OR1J2: variants seen among roughly 807,000 people sequenced by gnomAD.
OR1J2 encodes olfactory receptor family 1 subfamily J member 2.
For missense variants in OR1J2, 304 were observed against 246.1 expected (o/e 1.24, Z -1.57); for synonymous variants, 142 against 99.7 (o/e 1.42, Z -2.52).
chr9:122,459,580 C>T, the OR1J2 span, among the ~76,000 whole-genome samples: 1 of 152,154 alleles, frequency 6.6e-6, no homozygotes, highest in African/African-American at 2.4e-5. Context: ...TCCCTTTATG[C>T]TTCCCTCTTT....
chr9:122,509,016 G>A (rs757109468), upstream of OR1J2, among the ~76,000 whole-genome samples: 6 of 152,090 alleles, frequency 3.9e-5, no homozygotes, highest in Non-Finnish European at 7.4e-5. Flanking sequence ...TAACATCTTC[G>A]AATACGTCTC....
chr9:122,576,520 C>T, the OR1J2 span, among the ~76,000 whole-genome samples: 30 of 152,168 alleles, frequency 2.0e-4, no homozygotes, highest in African/African-American at 6.0e-4. Flanking sequence ...CAGGCATGAG[C>T]CATTGCACCC....
At chr9:122,490,789 T>C in the OR1J2 span, among the ~76,000 whole-genome samples, 1 of 152,206 alleles carries the variant, frequency 6.6e-6, no homozygotes, top group African/African-American at 2.4e-5. Flanking sequence ...AGAAGCCATA[T>C]TGAAGAATTT....
chr9:122,562,858 G>A, the OR1J2 span, among the ~76,000 whole-genome samples: 1 of 151,932 alleles, frequency 6.6e-6, no homozygotes, highest in Non-Finnish European at 1.5e-5. Context: ...GATTTTATTC[G>A]TTTTATGGCT....
At chr9:122,538,577 C>A in the OR1J2 span, among the ~76,000 whole-genome samples, 8 of 152,268 alleles carry the variant, frequency 5.3e-5, no homozygotes, top group East Asian at 1.4e-3. Flanking sequence ...CATCAGTGAA[C>A]AGAGATAATA....
the OR1J2 span, among the ~76,000 whole-genome samples, chr9:122,464,613 T>C: frequency 6.6e-6 from 1 of 152,226 alleles, no homozygotes; most frequent in Admixed American, 6.5e-5. Context: ...ATTTTCCCTC[T>C]ATTGGAAGTA....
the OR1J2 span, chr9:122,568,166 A>G: frequency 1.2e-6 from 2 of 1,614,066 alleles, no homozygotes; most frequent in Admixed American, 3.3e-5. Flanking sequence ...AGGCATAGAG[A>G]AAATACATCT....
the OR1J2 span, among the ~76,000 whole-genome samples, chr9:122,576,147 C>T: frequency 1.3e-5 from 2 of 152,030 alleles, no homozygotes; most frequent in African/African-American, 4.8e-5. Flanking sequence ...CATTTTTTTG[C>T]TGTTGACTTG....
the OR1J2 span, among the ~76,000 whole-genome samples, chr9:122,484,904 T>C: frequency 6.6e-6 from 1 of 152,114 alleles, no homozygotes; most frequent in African/African-American, 2.4e-5. Context: ...AATGGTGGTA[T>C]GCGCCTGTGG....
chr9:122,531,916 C>T, the OR1J2 span, among the ~76,000 whole-genome samples: 12 of 152,120 alleles, frequency 7.9e-5, no homozygotes, highest in South Asian at 2.1e-4. Flanking sequence ...CTACCTAGAC[C>T]AAGAGGTATT....
chr9:122,526,245 G>T, the OR1J2 span: 1 of 517,490 alleles, frequency 1.9e-6, no homozygotes, highest in Admixed American at 3.6e-5. Context: ...GGCTCAGAGA[G>T]GCTAAGTAAC....
chr9:122,538,136 A>AC, the OR1J2 span, among the ~76,000 whole-genome samples: 2 of 146,668 alleles, frequency 1.4e-5, no homozygotes, highest in East Asian at 2.0e-4. Context: ...AGGCAAGCCC[A>AC]CCCCCAACAG....
At chr9:122,491,016 T>C in the OR1J2 span, among the ~76,000 whole-genome samples, 1 of 152,066 alleles carries the variant, frequency 6.6e-6, no homozygotes, top group Non-Finnish European at 1.5e-5. Flanking sequence ...AGGTAAGAGA[T>C]TATGAAAGTG....
At chr9:122,475,571 CT>C in the OR1J2 span, 4 of 152,152 alleles carry the variant, frequency 2.6e-5, no homozygotes, top group Non-Finnish European at 4.4e-5. Flanking sequence ...GCTCTCAGCT[CT>C]TTTTAGATCC....
At chr9:122,516,327 G>A (rs1404870454), downstream of OR1J2, among the ~76,000 whole-genome samples, 3 of 121,646 alleles carry the variant, frequency 2.5e-5, no homozygotes, top group Admixed American at 1.9e-4. Flanking sequence ...TTTTTGAGAC[G>A]GAGTCTCGCT....
At chr9:122,524,372 A>C in the OR1J2 span, among the ~76,000 whole-genome samples, 1 of 152,224 alleles carries the variant, frequency 6.6e-6, no homozygotes, top group Non-Finnish European at 1.5e-5. Context: ...TAGTTAAGTA[A>C]TGTATGACTG....
At chr9:122,538,280 C>T in the OR1J2 span, among the ~76,000 whole-genome samples, 2 of 152,166 alleles carry the variant, frequency 1.3e-5, no homozygotes, top group African/African-American at 4.8e-5. Context: ...TTTCTTCTCT[C>T]TCATCATCTA....
chr9:122,566,241 G>A, the OR1J2 span, among the ~76,000 whole-genome samples: 46,917 of 152,046 alleles, frequency 0.31, 8,105 homozygotes, highest in East Asian at 0.81. Context: ...TTCTTCAACT[G>A]GTAATTTATG....
At chr9:122,572,081 G>T in the OR1J2 span, among the ~76,000 whole-genome samples, 2 of 152,116 alleles carry the variant, frequency 1.3e-5, no homozygotes, top group Non-Finnish European at 2.9e-5. Flanking sequence ...GAACAGAGGT[G>T]GGGGGAGGCG....
Sources: allele counts gnomAD v4.1 joint callset (sites outside exome capture counted in the v4.1 genomes callset), GRCh38; gene constraint gnomAD v4.1.1; transcripts MANE v1.5; gene names NCBI Gene and HGNC (gene_info 2026-07-23, HGNC 2026-07-21).